UTRN: variants seen among roughly 807,000 people sequenced by gnomAD.
The protein encoded by UTRN is utrophin.
In UTRN, 283 loss-of-function variants were observed where a neutral mutation model predicts 463.9. The ratio of observed to expected loss-of-function variants is 0.61; its 90% CI spans 0.55 to 0.67. The LOEUF is 0.67. UTRN is among the 30% of genes least tolerant of loss of function. The pLI, the probability that UTRN is intolerant of heterozygous loss-of-function variation, is 0.00. For missense variants in UTRN, 3,922 were observed against 4,084.3 expected (o/e 0.96, Z 1.08); for synonymous variants, 1,442 against 1,431.5 (o/e 1.01, Z -0.17).
intron 50 of UTRN, among the ~76,000 whole-genome samples, chr6:144,569,940 A>C (rs982448957): frequency 2.6e-5 from 4 of 152,180 alleles, no homozygotes; most frequent in Admixed American, 6.6e-5. Context: ...AAGAAGAGGA[A>C]CCAGATTCAC....
At chr6:144,764,442 G>A (rs1793044091) in intron 58 of UTRN, among the ~76,000 whole-genome samples, 1 of 152,130 alleles carries the variant, frequency 6.6e-6, no homozygotes, top group African/African-American at 2.4e-5. Flanking sequence ...GGGCCATGAA[G>A]TAGTATTTTG....
At chr6:144,754,831 A>G in intron 57 of UTRN, 33 bp downstream of exon 57, 1 of 1,584,664 alleles carries the variant, frequency 6.3e-7, no homozygotes, top group Non-Finnish European at 8.6e-7. Flanking sequence ...GATCGCATTA[A>G]TTGAATGAAT....
At chr6:144,706,330 T>G (rs916247634) in intron 53 of UTRN, among the ~76,000 whole-genome samples, 7 of 151,986 alleles carry the variant, frequency 4.6e-5, no homozygotes, top group Non-Finnish European at 8.8e-5. Flanking sequence ...AATTTAGAAT[T>G]GTCAATTACT....
At chr6:144,753,594 G>A (rs1240277040) in intron 56 of UTRN, among the ~76,000 whole-genome samples, 1 of 152,012 alleles carries the variant, frequency 6.6e-6, no homozygotes, top group Non-Finnish European at 1.5e-5. Flanking sequence ...ACTCCAGCCT[G>A]GGCAACAGAG....
chr6:144,456,411 T>C (rs760458620), intron 19 of UTRN, among the ~76,000 whole-genome samples: 53 of 151,922 alleles, frequency 3.5e-4, no homozygotes, highest in Non-Finnish European at 5.4e-4. Context: ...TCCCAGAACT[T>C]TGGGAGGCCG....
intron 13 of UTRN, among the ~76,000 whole-genome samples, chr6:144,441,882 G>A (rs1480513878): frequency 1.3e-5 from 2 of 152,196 alleles, no homozygotes; most frequent in Non-Finnish European, 2.9e-5. Context: ...GCCAAGGCTT[G>A]TGGCTTGCAC....
In UTRN at chr6:144,751,955, A is replaced by G. The variant is rs961666353; in HGVS notation, c.8355+3A>G. 3.1e-6 allele frequency: 5 copies of G among 1,605,246 alleles called. No individual in the cohort carries two copies. The highest frequency in any genetic ancestry group is 4.3e-6 in the Non-Finnish European group (5 of 1,176,382). ...ATATGCGATGGAAACTTTTACAGGT[A>G]TCAGCTTATTCCCCTTCATAATGCA... is the stretch of plus-strand genomic sequence containing the variant. On this transcript the variant is annotated splice_donor_region_variant and intron_variant, in intron 56 of 74. Transcript: ENST00000367545.
At chr6:144,584,343 C>G (rs1449893414) in intron 51 of UTRN, among the ~76,000 whole-genome samples, 1 of 151,960 alleles carries the variant, frequency 6.6e-6, no homozygotes, top group Non-Finnish European at 1.5e-5. Flanking sequence ...TTACTTTTGT[C>G]AAAATTAGAG....
intron 52 of UTRN, among the ~76,000 whole-genome samples, chr6:144,687,620 G>A (rs557056236): frequency 3.9e-5 from 6 of 152,096 alleles, no homozygotes; most frequent in Non-Finnish European, 8.8e-5. Context: ...ATTCTTGGCT[G>A]ACGGTTTTTT....
At chr6:144,490,027 T>TAA in intron 30 of UTRN, 44 bp from the exon 31 acceptor site, 13 of 1,377,386 alleles carry the variant, frequency 9.4e-6, no homozygotes, top group African/African-American at 7.4e-5. Flanking sequence ...TATACTTAAG[T>TAA]AAAAAAAAAA....
rs115341715 is a variant in UTRN, at chr6:144,513,923, G to A, written c.4959G>A (p.Gln1653=). 6.8e-4 allele frequency: 1,092 copies of A among 1,613,786 alleles called. 18 individuals carry two copies. The East Asian group carries it at 0.022, about 32-fold the overall frequency. The change falls in exon 36 of 75, where the codon CAG becomes CAA. Residue 1653 remains glutamine, a synonymous_variant. Coordinates refer to ENST00000367545, the MANE Select transcript of UTRN (RefSeq NM_007124.3). Reference sequence around the variant, plus strand: ...TTCCTTTGTAGAACCATCAGAACCAGCTAGAAATATTTGATGGGAACGTGG... The same window carrying A: ...TTCCTTTGTAGAACCATCAGAACCAACTAGAAATATTTGATGGGAACGTGG... ...WCNTLMNHQN[Q]LEIFDGNVAH...
At chr6:144,739,511 C>G (rs1789813326) in intron 54 of UTRN, among the ~76,000 whole-genome samples, 2 of 152,086 alleles carry the variant, frequency 1.3e-5, no homozygotes, top group African/African-American at 4.8e-5. Context: ...TCTCCCAGGG[C>G]TTTTGTTTTC....
chr6:144,758,773 G>A lies in UTRN; in HGVS notation c.8495+784G>A, dbSNP rs555703159. On this transcript the variant is annotated intron_variant, in intron 58 of 74. Transcript: ENST00000367545. ...ATATTAATTTACAACGTGCTCTAGT[G>A]ATGAGTCATAGTTGACCCTATTTTA... Among the ~76,000 whole-genome samples the A allele has an allele frequency of 9.2e-5, 14 of 152,140 alleles. No individual in the cohort carries two copies. In the East Asian group the frequency reaches 1.2e-3, roughly 13 times the overall value.
At position 144,662,007 on chromosome 6, in the gene UTRN, C is replaced by CTATT. The variant is rs36070256; in HGVS notation, c.7480-16381_7480-16378dup. Among the ~76,000 whole-genome samples, 8,034 of 150,464 alleles carry CTATT rather than the reference C, an allele frequency of 0.053. 800 individuals are homozygous for CTATT. In the East Asian group the frequency reaches 0.54, roughly 10 times the overall value. On this transcript the variant is annotated intron_variant, in intron 51 of 74. Coordinates refer to ENST00000367545, the MANE Select transcript of UTRN (RefSeq NM_007124.3). ...TTGGGATTTTTATTATTATTATTAT[C>CTATT]TATTTATTTATTTATTTATTTTTGA... is the stretch of plus-strand genomic sequence containing the variant.
chr6:144,739,744 G>T (rs1019210228), intron 54 of UTRN, among the ~76,000 whole-genome samples: 1 of 152,118 alleles, frequency 6.6e-6, no homozygotes, highest in African/African-American at 2.4e-5. Flanking sequence ...TCCTATGACT[G>T]TATAGCTCAC....
chr6:144,626,855 G>C (rs1303134519), intron 51 of UTRN, among the ~76,000 whole-genome samples: 1 of 152,086 alleles, frequency 6.6e-6, no homozygotes, highest in East Asian at 1.9e-4. Context: ...GGCCAGAATG[G>C]TCTCGATCTC....
rs541237030 is a variant in UTRN, at chr6:144,754,952, G to A, written c.8434+154G>A. ...AACATCAAAGAAAATATTGCTTAATGGTTATTATTTGTAATAACGTAATGA... is the reference window on the plus strand; with the variant it reads ...AACATCAAAGAAAATATTGCTTAATAGTTATTATTTGTAATAACGTAATGA... On this transcript the variant is annotated intron_variant, in intron 57 of 74. Transcript: ENST00000367545. Among the ~76,000 whole-genome samples, 6 of 152,134 alleles carry A rather than the reference G, an allele frequency of 3.9e-5. No homozygotes were observed. In the South Asian group the frequency reaches 1.0e-3, roughly 26 times the overall value.
chr6:144,718,920 C>G (rs192340678), intron 53 of UTRN, among the ~76,000 whole-genome samples: 1 of 152,180 alleles, frequency 6.6e-6, no homozygotes, highest in Non-Finnish European at 1.5e-5. Flanking sequence ...GAGCCGGATC[C>G]CTGAAGGGTC....
At chr6:144,552,850 A>C (rs549263157) in intron 48 of UTRN, among the ~76,000 whole-genome samples, 1 of 152,332 alleles carries the variant, frequency 6.6e-6, no homozygotes, top group East Asian at 1.9e-4. Context: ...AGAATTGGTC[A>C]TAAGTACTTT....
Sources: allele counts gnomAD v4.1 joint callset (sites outside exome capture counted in the v4.1 genomes callset), GRCh38; gene constraint gnomAD v4.1.1; transcripts MANE v1.5; gene names NCBI Gene and HGNC (gene_info 2026-07-23, HGNC 2026-07-21).